The following DST variants were observed in gnomAD, a reference collection of about 807,000 sequenced individuals.
The protein encoded by DST is dystonin.
DST carries 253 observed loss-of-function variants against 875.2 expected under a neutral mutation model. The ratio of observed to expected loss-of-function variants is 0.29; its 90% CI spans 0.26 to 0.32. The LOEUF (loss-of-function observed/expected upper bound fraction) is 0.32. DST is among the 10% of genes least tolerant of loss of function. The pLI, the probability that DST is intolerant of heterozygous loss-of-function variation, is 1.00. For missense variants in DST, 8,287 were observed against 9,111.6 expected (o/e 0.91, Z 3.68); for synonymous variants, 3,124 against 3,197.1 (o/e 0.98, Z 0.77).
chr6:56,860,757 A>G (rs1302889628), intron 3 of DST, among the ~76,000 whole-genome samples: 3 of 152,218 alleles, frequency 2.0e-5, no homozygotes, highest in African/African-American at 7.2e-5. Flanking sequence ...GGAAATATGA[A>G]ACAACAGAGA....
chr6:56,567,185 A>T (rs2097693528), intron 55 of DST, among the ~76,000 whole-genome samples: 1 of 152,242 alleles, frequency 6.6e-6, no homozygotes, highest in African/African-American at 2.4e-5. Context: ...ACTTTTTCAT[A>T]ATCAGAATAT....
At chr6:56,511,083 A>T (rs2096465917) in intron 73 of DST, 114 bp downstream of exon 73, 7 of 899,954 alleles carry the variant, frequency 7.8e-6, no homozygotes, top group Non-Finnish European at 1.2e-5. Context: ...AATACTCAAG[A>T]GTGAATGTGG....
chr6:56,555,033 G>T (rs2097386373), intron 60 of DST, among the ~76,000 whole-genome samples: 1 of 152,104 alleles, frequency 6.6e-6, no homozygotes, highest in South Asian at 2.1e-4. Flanking sequence ...TTTTTTTCTG[G>T]CTAAATAAGA....
intron 2 of DST, among the ~76,000 whole-genome samples, chr6:56,940,486 A>C (rs2127784938): frequency 1.3e-5 from 2 of 152,262 alleles, no homozygotes; most frequent in African/African-American, 4.8e-5. Context: ...TAGCAATGTT[A>C]ATATTATATT....
rs754316339 is a variant in DST, at chr6:56,492,279, C to G, written c.20705G>C (p.Arg6902Pro). The G allele has an allele frequency of 1.2e-6, 2 of 1,613,858 alleles. No homozygotes were observed. The highest frequency in any genetic ancestry group is 2.2e-5 in the South Asian group (2 of 91,072). Residue 6902 changes from arginine to proline, a missense_variant, in exon 85 of 104, where the codon CGG (arginine) becomes CCG (proline). Transcript: ENST00000680361. ...VQSRWEKVVQ[R>P]LVERGRSLDD... Reference sequence around the variant, plus strand: ...CAAAGATCTTCCTCTCTCTACCAACCGTTGAACCACTTTTTCCCATCGACT... The same window carrying G: ...CAAAGATCTTCCTCTCTCTACCAACGGTTGAACCACTTTTTCCCATCGACT...
chr6:56,848,479 T>G (rs75647637), intron 4 of DST, among the ~76,000 whole-genome samples: 3,288 of 152,264 alleles, frequency 0.022, 115 homozygotes, highest in African/African-American at 0.075. Context: ...TATGAAAATA[T>G]ATAACAAAAT....
At chr6:56,725,712 AG>A (rs1347383754) in intron 5 of DST, among the ~76,000 whole-genome samples, 4 of 152,328 alleles carry the variant, frequency 2.6e-5, no homozygotes, top group East Asian at 1.9e-4. Flanking sequence ...TAAGATCTAG[AG>A]GGCTAGCCTG....
chr6:56,593,569 T>C (rs1031058618), intron 48 of DST, 94 bp downstream of exon 48: 2 of 1,047,558 alleles, frequency 1.9e-6, no homozygotes, highest in South Asian at 2.5e-5. Flanking sequence ...CCTCCTGTTT[T>C]GGATTTTAGG....
At chr6:56,678,833 C>T (rs989440864) in intron 9 of DST, among the ~76,000 whole-genome samples, 2 of 152,216 alleles carry the variant, frequency 1.3e-5, no homozygotes, top group Admixed American at 1.3e-4. Context: ...GCTTTACTAA[C>T]GGGCCTTTGT....
At chr6:56,674,791 A>T (rs2099120208) in intron 9 of DST, among the ~76,000 whole-genome samples, 1 of 152,252 alleles carries the variant, frequency 6.6e-6, no homozygotes, top group South Asian at 2.1e-4. Context: ...TCCCATGTTC[A>T]TTCATGAATT....
chr6:56,619,968 G>C (rs2098672460), intron 36 of DST: 2 of 1,613,944 alleles, frequency 1.2e-6, no homozygotes, highest in African/African-American at 1.3e-5. Context: ...TGCTTGTCAT[G>C]TTCTTGCTGG....
chr6:56,760,214 T>C (rs16888158), intron 4 of DST, among the ~76,000 whole-genome samples: 2 of 152,164 alleles, frequency 1.3e-5, no homozygotes, highest in African/African-American at 4.8e-5. Context: ...AGCAAATCCA[T>C]AGAATGAACT....
At chr6:56,861,642 T>G (rs1379125878) in intron 3 of DST, among the ~76,000 whole-genome samples, 2 of 152,150 alleles carry the variant, frequency 1.3e-5, no homozygotes, top group African/African-American at 4.8e-5. Context: ...TTTCCTGAGG[T>G]GATCTGGACC....
At chr6:56,917,612 G>C (rs963744003) in intron 2 of DST, among the ~76,000 whole-genome samples, 32 of 152,282 alleles carry the variant, frequency 2.1e-4, no homozygotes, top group Non-Finnish European at 2.6e-4. Flanking sequence ...CAGTTATTTA[G>C]GCAAGAGCTA....
At chr6:56,715,761 T>A (rs957812397) in intron 5 of DST, among the ~76,000 whole-genome samples, 1 of 152,148 alleles carries the variant, frequency 6.6e-6, no homozygotes, top group Non-Finnish European at 1.5e-5. Context: ...ATAAGACAAA[T>A]GAAGTTCTGC....
At chr6:56,767,994 T>A (rs146187379) in intron 4 of DST, among the ~76,000 whole-genome samples, 1 of 152,106 alleles carries the variant, frequency 6.6e-6, no homozygotes, top group South Asian at 2.1e-4. Context: ...TATTAAAAGA[T>A]GAAGCTAAAG....
chr6:56,841,184 C>A (rs1271429618), intron 4 of DST, among the ~76,000 whole-genome samples: 3 of 152,196 alleles, frequency 2.0e-5, no homozygotes, highest in Non-Finnish European at 2.9e-5. Context: ...ATACTGGATA[C>A]TGATGGGAAA....
chr6:56,648,772 T>C, intron 12 of DST, 83 bp from the exon 13 acceptor site: 3 of 1,163,244 alleles, frequency 2.6e-6, no homozygotes, highest in Non-Finnish European at 3.6e-6. Context: ...GAAGTCATTC[T>C]GTAAATGTAT....
In DST at chr6:56,606,791, A is replaced by G; in HGVS notation, c.7837T>C (p.Tyr2613His). The change falls in exon 40 of 104, where the codon TAT becomes CAT. Residue 2613 changes from tyrosine to histidine, a missense_variant. Coordinates refer to ENST00000680361, the MANE Select transcript of DST (RefSeq NM_001374736.1). The part of the protein sequence containing the change: ...GTDTDSDDDF[Y>H]DTPLFEDDDH... The stretch of plus-strand genomic sequence containing the variant: ...TCATCTTCAAACAAGGGAGTATCAT[A>G]AAAATCATCATCACTATCAGTGTCT... 1 of 1,613,338 alleles carries G rather than the reference A, an allele frequency of 6.2e-7. No homozygotes were observed. Among genetic ancestry groups the G allele is most frequent in the Non-Finnish European group, 8.5e-7 (1 of 1,179,614 alleles).
Sources: gnomAD v4.1 joint callset for allele counts (sites outside exome capture counted in the v4.1 genomes callset) on GRCh38, gnomAD v4.1.1 for gene constraint, MANE v1.5 for transcripts, NCBI Gene and HGNC (gene_info 2026-07-23, HGNC 2026-07-21) for gene names.